Variants in TCF4 observed in about 807,000 individuals in gnomAD.
TCF4 encodes SL3-3 enhancer factor 2.
TCF4 carries 3 observed loss-of-function variants against 82.1 expected under a neutral mutation model. The observed-to-expected ratio is 0.04, with a 90% CI of 0.02 to 0.09. TCF4 has a LOEUF of 0.09. Among genes scored for constraint, TCF4 ranks in the 10% least tolerant of loss-of-function variants. TCF4 has a pLI of 1.00. For missense variants in TCF4, 518 were observed against 852.7 expected, an observed-to-expected ratio of 0.61 and a Z score of 4.89; for synonymous variants, 276 against 309.6, an observed-to-expected ratio of 0.89 and a Z score of 1.14.
chr18:55,324,729 A>G (rs1182326564), intron 8 of TCF4, among the ~76,000 whole-genome samples: 1 of 151,942 alleles, frequency 6.6e-6, no homozygotes, highest in Non-Finnish European at 1.5e-5. Flanking sequence ...ATGGGGAATG[A>G]TGGTTAGCCA....
chr18:55,471,918 A>G (rs1282312189), intron 3 of TCF4, among the ~76,000 whole-genome samples: 1 of 152,222 alleles, frequency 6.6e-6, no homozygotes, highest in Non-Finnish European at 1.5e-5. Flanking sequence ...AGATCATCTT[A>G]GAGTATTTTT....
At chr18:55,365,191 A>ATATATATATATATATATATG (rs1361444592) in intron 6 of TCF4, among the ~76,000 whole-genome samples, 30 of 97,906 alleles carry the variant, frequency 3.1e-4, no homozygotes, top group East Asian at 5.5e-4. Context: ...ATATATATAT[A>ATATATATATATATATATATG]TGTGTGTGTG....
At chr18:55,501,343 C>A (rs529512271) in intron 3 of TCF4, among the ~76,000 whole-genome samples, 231 of 152,200 alleles carry the variant, frequency 1.5e-3, no homozygotes, top group African/African-American at 5.1e-3. Flanking sequence ...AAAACCACAA[C>A]CAACCTTAAG....
chr18:55,365,191 ATGTGTGTGTGTGTG>A (rs1220531145), intron 6 of TCF4, among the ~76,000 whole-genome samples: 15 of 97,868 alleles, frequency 1.5e-4, no homozygotes, highest in South Asian at 6.4e-4. Flanking sequence ...ATATATATAT[ATGTGTGTGTGTGTG>A]TGTGTATATA....
chr18:55,279,058 A>G lies in TCF4; in HGVS notation c.655+493T>C, dbSNP rs534433699. The stretch of plus-strand genomic sequence containing the variant: ...ACTATGTTGGGACAGAGCTTTCACC[A>G]TGTAATATTCCAGTCTGTGGTAGGT... On this transcript the variant is annotated intron_variant, in intron 9 of 19. Transcript: ENST00000354452. Among the ~76,000 whole-genome samples the G allele has an allele frequency of 3.3e-5, 5 of 152,286 alleles. No homozygotes were observed. In the East Asian group the frequency reaches 7.7e-4, roughly 24 times the overall value.
chr18:55,357,770 C>T (rs1269494009), intron 6 of TCF4, among the ~76,000 whole-genome samples: 2 of 152,136 alleles, frequency 1.3e-5, no homozygotes, highest in Admixed American at 6.5e-5. Flanking sequence ...AAACAGGAAC[C>T]AGGGTCATGT....
chr18:55,237,673 C>G (rs2049949864), intron 15 of TCF4, among the ~76,000 whole-genome samples: 1 of 151,978 alleles, frequency 6.6e-6, no homozygotes, highest in African/African-American at 2.4e-5. Flanking sequence ...TGTGTCTATT[C>G]CAGGTCATGT....
chr18:55,583,736 TAA>T (rs899898558), intron 3 of TCF4, among the ~76,000 whole-genome samples: 6 of 151,276 alleles, frequency 4.0e-5, no homozygotes, highest in South Asian at 2.1e-4. Flanking sequence ...ATTTTTAAGT[TAA>T]GTCATAAAAA....
intron 8 of TCF4, among the ~76,000 whole-genome samples, chr18:55,335,392 T>C (rs1327273890): frequency 6.6e-6 from 1 of 152,228 alleles, no homozygotes; most frequent in Non-Finnish European, 1.5e-5. Context: ...GATAAGCAAA[T>C]AAATGCTCCT....
At chr18:55,627,743 TGACAGAGTGA>T (rs2097727926) in intron 2 of TCF4, among the ~76,000 whole-genome samples, 1 of 144,242 alleles carries the variant, frequency 6.9e-6, no homozygotes, top group Non-Finnish European at 1.5e-5. Context: ...CCAGCCTGGG[TGACAGAGTGA>T]GACTCCATCT....
chr18:55,451,590 TTTTA>T (rs1446013898), intron 5 of TCF4, among the ~76,000 whole-genome samples: 1 of 152,184 alleles, frequency 6.6e-6, no homozygotes, highest in Admixed American at 6.5e-5. Context: ...GCAGTCTTAT[TTTTA>T]TTGAGGATGA....
intron 2 of TCF4, among the ~76,000 whole-genome samples, chr18:55,622,954 T>C (rs1047620199): frequency 4.0e-5 from 6 of 151,636 alleles, no homozygotes; most frequent in Admixed American, 2.6e-4. Flanking sequence ...CCAGACACAA[T>C]GTAAACCAAA....
intron 8 of TCF4, among the ~76,000 whole-genome samples, chr18:55,300,219 T>C (rs982037995): frequency 1.3e-5 from 2 of 152,196 alleles, no homozygotes; most frequent in Non-Finnish European, 2.9e-5. Flanking sequence ...CCCAAGCTTC[T>C]GGAGGGAATC....
At chr18:55,280,776 C>T (rs879851502) in intron 8 of TCF4, among the ~76,000 whole-genome samples, 2 of 152,014 alleles carry the variant, frequency 1.3e-5, no homozygotes, top group African/African-American at 2.4e-5. Flanking sequence ...AAATAACTCT[C>T]ATTTTTTTTT....
intron 5 of TCF4, among the ~76,000 whole-genome samples, chr18:55,456,740 T>C (rs918350729): frequency 6.6e-6 from 1 of 152,180 alleles, no homozygotes; most frequent in African/African-American, 2.4e-5. Flanking sequence ...ATACACTTCT[T>C]GCCAGGATTC....
chr18:55,362,365 G>GGAAA (rs2085476884), intron 6 of TCF4, among the ~76,000 whole-genome samples: 5 of 88,796 alleles, frequency 5.6e-5, no homozygotes, highest in African/African-American at 2.5e-4. Context: ...AAGGAAGGAA[G>GGAAA]GAAGGAAGGA....
chr18:55,548,979 A>G (rs1055063483), intron 3 of TCF4, among the ~76,000 whole-genome samples: 7 of 152,162 alleles, frequency 4.6e-5, no homozygotes, highest in African/African-American at 1.7e-4. Context: ...TTGTACATTA[A>G]GGATACATTG....
rs1183862991 is a variant in TCF4, at chr18:55,269,604, A to G, written c.922+227T>C. The G allele has an allele frequency of 6.8e-5, 39 of 576,144 alleles. No homozygotes were observed. In the Admixed American group the frequency reaches 1.1e-3, roughly 16 times the overall value. 35.7% of individuals were successfully genotyped at this position (576,144 alleles called of 1,614,324 possible). A position where few individuals can be genotyped will look rare whatever the true frequency, so the allele number is the denominator to read the frequency against. On this transcript the variant is annotated intron_variant, in intron 11 of 19. Transcript: ENST00000354452. ...GTTTGAACCCTTGTTCAATCTAATG[A>G]CTTGCAACGTAGAACGTAGCTAAAT... is the stretch of plus-strand genomic sequence containing the variant.
chr18:55,537,778 C>A (rs1344632833), intron 3 of TCF4, among the ~76,000 whole-genome samples: 1 of 152,040 alleles, frequency 6.6e-6, no homozygotes, highest in Non-Finnish European at 1.5e-5. Flanking sequence ...TGTGGCAAGG[C>A]TGGTGGGCAT....
Sources: gnomAD v4.1 joint callset for allele counts (sites outside exome capture counted in the v4.1 genomes callset) on GRCh38, gnomAD v4.1.1 for gene constraint, MANE v1.5 for transcripts, NCBI Gene and HGNC (gene_info 2026-07-23, HGNC 2026-07-21) for gene names.